Variants in UBE3A observed in about 807,000 individuals in gnomAD.
The protein encoded by UBE3A is ubiquitin protein ligase E3A, also known as ubiquitin-protein ligase E3A.
Under a neutral mutation model 83.4 loss-of-function variants are expected in UBE3A, and 6 were observed. That is an observed-to-expected ratio of 0.07 (90% CI 0.04 to 0.14). The LOEUF (loss-of-function observed/expected upper bound fraction) is 0.14. Among genes scored for constraint, UBE3A ranks in the 10% least tolerant of loss-of-function variants. The pLI is 1.00. For missense variants in UBE3A, 456 were observed against 1,036.1 expected, an observed-to-expected ratio of 0.44 and a Z score of 7.69; for synonymous variants, 337 against 355.4, an observed-to-expected ratio of 0.95 and a Z score of 0.58.
chr15:25,402,409 A>G (rs1197836573), intron 4 of UBE3A, among the ~76,000 whole-genome samples: 1 of 152,122 alleles, frequency 6.6e-6, no homozygotes, highest in Non-Finnish European at 1.5e-5. Flanking sequence ...TTGGATCACA[A>G]GGGGCTGGCC....
At chr15:25,365,865 T>A (rs1239349271) in intron 6 of UBE3A, among the ~76,000 whole-genome samples, 1 of 152,188 alleles carries the variant, frequency 6.6e-6, no homozygotes, top group Non-Finnish European at 1.5e-5. Context: ...TTTTTTCATG[T>A]TCACGATAAA....
chr15:25,396,553 T>C (rs2085619500), intron 4 of UBE3A, among the ~76,000 whole-genome samples: 1 of 152,172 alleles, frequency 6.6e-6, no homozygotes, highest in African/African-American at 2.4e-5. Flanking sequence ...AGCCCAGGAA[T>C]TCAAAGTTGT....
intron 4 of UBE3A, among the ~76,000 whole-genome samples, chr15:25,397,662 G>A (rs1240772594): frequency 1.3e-5 from 2 of 151,984 alleles, no homozygotes; most frequent in African/African-American, 4.8e-5. Flanking sequence ...AAAAATAAAC[G>A]GCAAAATTCC....
chr15:25,385,765 C>T (rs940645168), intron 4 of UBE3A, among the ~76,000 whole-genome samples: 3 of 152,122 alleles, frequency 2.0e-5, no homozygotes, highest in Non-Finnish European at 2.9e-5. Context: ...GAAACCTCCA[C>T]GGGGTAGGAA....
chr15:25,339,924 C>CACA, intron 12 of UBE3A, 161 bp downstream of exon 12: 1 of 992,686 alleles, frequency 1.0e-6, no homozygotes, highest in Non-Finnish European at 1.5e-6. Flanking sequence ...AGTTTCCTCA[C>CACA]ACAATGACAG....
At chr15:25,404,648 C>T (rs1189780983) in intron 4 of UBE3A, among the ~76,000 whole-genome samples, 2 of 152,172 alleles carry the variant, frequency 1.3e-5, no homozygotes, top group Non-Finnish European at 2.9e-5. Context: ...TCCTTTCTCT[C>T]TTGCAAGGTT....
chr15:25,399,764 G>C lies in UBE3A; in HGVS notation c.62+5697C>G, dbSNP rs185908165. On this transcript the variant is annotated intron_variant, in intron 4 of 12. Coordinates refer to ENST00000648336, the MANE Select transcript of UBE3A (RefSeq NM_130839.5). The stretch of plus-strand genomic sequence containing the variant: ...AATTTTTTTTTTTTTTAATTTTAGA[G>C]ACAGGGTCTCACTATGTTGCCCAGG... Among the ~76,000 whole-genome samples the C allele has an allele frequency of 2.6e-5, 4 of 151,120 alleles. No individual in the cohort carries two copies. In the East Asian group the frequency reaches 5.9e-4, roughly 22 times the overall value.
chr15:25,369,902 G>C (rs2080021355), intron 6 of UBE3A, among the ~76,000 whole-genome samples: 1 of 152,132 alleles, frequency 6.6e-6, no homozygotes, highest in Admixed American at 6.5e-5. Context: ...CCCTGGACTT[G>C]ATGTTACAGG....
intron 1 of UBE3A, among the ~76,000 whole-genome samples, chr15:25,414,288 C>T (rs1246399163): frequency 1.3e-5 from 2 of 152,174 alleles, no homozygotes; most frequent in Non-Finnish European, 1.5e-5. Flanking sequence ...TAGGTTGATA[C>T]TTGTTCAGCC....
intron 3 of UBE3A, chr15:25,408,727 C>A: frequency 1.3e-6 from 2 of 1,487,212 alleles, no homozygotes; most frequent in Admixed American, 2.1e-5. Context: ...GTTATAAAAA[C>A]TTCTAGAGAA....
chr15:25,431,047 A>G (rs1893302370), intron 1 of UBE3A, among the ~76,000 whole-genome samples: 1 of 152,238 alleles, frequency 6.6e-6, no homozygotes, highest in Non-Finnish European at 1.5e-5. Context: ...TATGTGTATA[A>G]AAGACCAAAA....
intron 6 of UBE3A, among the ~76,000 whole-genome samples, chr15:25,364,643 T>G (rs1172188971): frequency 1.0e-5 from 1 of 96,826 alleles, no homozygotes; most frequent in Non-Finnish European, 2.1e-5. Flanking sequence ...TTTTTTTTGT[T>G]TGTTTTTTTT....
chr15:25,344,229 T>A (rs577976715), intron 11 of UBE3A, among the ~76,000 whole-genome samples: 2 of 152,254 alleles, frequency 1.3e-5, no homozygotes, highest in East Asian at 3.9e-4. Flanking sequence ...TAAATATTGA[T>A]AAGCTATGCT....
intron 4 of UBE3A, among the ~76,000 whole-genome samples, chr15:25,388,876 T>A (rs556818111): frequency 7.9e-5 from 12 of 152,268 alleles, no homozygotes; most frequent in Admixed American, 2.6e-4. Context: ...CATTAGCGTG[T>A]CCCAAAATGA....
intron 4 of UBE3A, among the ~76,000 whole-genome samples, chr15:25,376,187 C>T (rs2081184196): frequency 6.6e-6 from 1 of 152,162 alleles, no homozygotes; most frequent in Non-Finnish European, 1.5e-5. Flanking sequence ...TTTTCTTTTA[C>T]ATAATCAGTA....
chr15:25,427,747 A>G (rs1891792347), intron 1 of UBE3A, among the ~76,000 whole-genome samples: 1 of 144,220 alleles, frequency 6.9e-6, no homozygotes, highest in Non-Finnish European at 1.5e-5. Flanking sequence ...AGCTATGATC[A>G]TGGCACTGCA....
intron 4 of UBE3A, among the ~76,000 whole-genome samples, chr15:25,404,353 T>C (rs892959992): frequency 6.6e-6 from 1 of 152,174 alleles, no homozygotes. Context: ...TCAAGGTCAA[T>C]CACTATATCT....
intron 4 of UBE3A, among the ~76,000 whole-genome samples, chr15:25,385,530 C>T (rs903466779): frequency 6.6e-6 from 1 of 152,064 alleles, no homozygotes; most frequent in Non-Finnish European, 1.5e-5. Flanking sequence ...TGGAAAACAA[C>T]ATGAAGGTCC....
chr15:25,339,323 A>G, intron 12 of UBE3A, 66 bp from the exon 13 acceptor site: 1 of 1,578,376 alleles, frequency 6.3e-7, no homozygotes, highest in Admixed American at 1.7e-5. Flanking sequence ...TTAGAATTAA[A>G]TGCTCCTATT....
Sources: allele counts gnomAD v4.1 joint callset (sites outside exome capture counted in the v4.1 genomes callset), GRCh38; gene constraint gnomAD v4.1.1; transcripts MANE v1.5; gene names NCBI Gene and HGNC (gene_info 2026-07-23, HGNC 2026-07-21).